The following MTUS2 variants were observed in gnomAD, a reference collection of about 807,000 sequenced individuals.
MTUS2 encodes the protein microtubule-associated tumor suppressor candidate 2.
In MTUS2, 40 loss-of-function variants were observed where a neutral mutation model predicts 114.1. The ratio of observed to expected loss-of-function variants is 0.35; its 90% CI spans 0.27 to 0.46. The LOEUF (loss-of-function observed/expected upper bound fraction) is 0.46, where lower values mean the gene tolerates loss of function less well. Ranked by LOEUF, MTUS2 falls within the 20% of genes least tolerant of loss-of-function variation. The pLI, the probability that MTUS2 is intolerant of heterozygous loss-of-function variation, is 1.00. For missense variants in MTUS2, 1,679 were observed against 1,705.4 expected, an observed-to-expected ratio of 0.98 and a Z score of 0.27; for synonymous variants, 688 against 672.0, an observed-to-expected ratio of 1.02 and a Z score of -0.37.
chr13:29,038,006 A>C (rs1442147033), intron 4 of MTUS2, among the ~76,000 whole-genome samples: 1 of 152,152 alleles, frequency 6.6e-6, no homozygotes, highest in Admixed American at 6.5e-5. Context: ...TTTGAAGCCT[A>C]CTTCTGTCAA....
At chr13:28,856,968 C>T (rs77451660) in intron 2 of MTUS2, among the ~76,000 whole-genome samples, 8 of 152,102 alleles carry the variant, frequency 5.3e-5, no homozygotes, top group African/African-American at 1.4e-4. Context: ...AACACAACTT[C>T]GTAGCCACTG....
At chr13:28,917,708 C>T (rs1880825887) in intron 2 of MTUS2, among the ~76,000 whole-genome samples, 1 of 151,474 alleles carries the variant, frequency 6.6e-6, no homozygotes, top group Admixed American at 6.6e-5. Context: ...ATTGTGTTCT[C>T]CATTTCAAAT....
chr13:29,390,262 G>A (rs1873331229), intron 8 of MTUS2, among the ~76,000 whole-genome samples: 1 of 151,720 alleles, frequency 6.6e-6, no homozygotes, highest in South Asian at 2.1e-4. Context: ...TTATTTATAG[G>A]ATCAGGAGTG....
chr13:29,365,413 T>C (rs1593354158), intron 8 of MTUS2, among the ~76,000 whole-genome samples: 1 of 152,024 alleles, frequency 6.6e-6, no homozygotes, highest in East Asian at 1.9e-4. Flanking sequence ...TAAGGTGCAA[T>C]AAGATGAGAA....
At chr13:29,479,516 G>C (rs931365690) in intron 9 of MTUS2, among the ~76,000 whole-genome samples, 1 of 152,212 alleles carries the variant, frequency 6.6e-6, no homozygotes, top group African/African-American at 2.4e-5. Context: ...GTGATTAGGG[G>C]TGGAGTGTCT....
At chr13:29,297,892 A>C (rs894887908) in intron 6 of MTUS2, among the ~76,000 whole-genome samples, 2 of 147,242 alleles carry the variant, frequency 1.4e-5, no homozygotes, top group Non-Finnish European at 3.0e-5. Flanking sequence ...CACACACACA[A>C]AACATGCTAT....
intron 6 of MTUS2, among the ~76,000 whole-genome samples, chr13:29,299,115 C>T (rs947298820): frequency 6.6e-6 from 1 of 152,148 alleles, no homozygotes; most frequent in East Asian, 1.9e-4. Flanking sequence ...AGCTCCATTT[C>T]TTTGCATGAG....
chr13:29,015,208 A>G (rs942436088), intron 2 of MTUS2, among the ~76,000 whole-genome samples: 1 of 152,274 alleles, frequency 6.6e-6, no homozygotes, highest in African/African-American at 2.4e-5. Flanking sequence ...AAAACTGTAC[A>G]GTAAAAATGG....
At chr13:29,032,942 CT>C (rs1482969561) in intron 3 of MTUS2, among the ~76,000 whole-genome samples, 3 of 152,062 alleles carry the variant, frequency 2.0e-5, no homozygotes, top group African/African-American at 2.4e-5. Flanking sequence ...AGTTCTCTCT[CT>C]TTTTTTCCTG....
chr13:29,307,956 A>G (rs1871637032), intron 6 of MTUS2, among the ~76,000 whole-genome samples: 1 of 152,190 alleles, frequency 6.6e-6, no homozygotes, highest in Non-Finnish European at 1.5e-5. Context: ...TGTACCATCA[A>G]TAAAGTCCCC....
intron 9 of MTUS2, among the ~76,000 whole-genome samples, chr13:29,443,125 C>T (rs1181757579): frequency 6.6e-6 from 1 of 152,224 alleles, no homozygotes; most frequent in Non-Finnish European, 1.5e-5. Context: ...CTCTGTCCCA[C>T]AAGTTCCCCT....
chr13:29,418,466 G>T (rs961790537), intron 8 of MTUS2, among the ~76,000 whole-genome samples: 2 of 152,186 alleles, frequency 1.3e-5, no homozygotes, highest in African/African-American at 4.8e-5. Flanking sequence ...TACAGATCAA[G>T]TAAGAATTTA....
chr13:29,396,728 C>T (rs945018620), intron 8 of MTUS2, among the ~76,000 whole-genome samples: 3 of 152,144 alleles, frequency 2.0e-5, no homozygotes, highest in African/African-American at 7.2e-5. Flanking sequence ...AAGCCAGTAA[C>T]AAGGGAGCAA....
intron 3 of MTUS2, 33 bp downstream of exon 3, chr13:29,026,936 G>GT (rs1886588262): frequency 6.6e-7 from 1 of 1,525,818 alleles, no homozygotes; most frequent in African/African-American, 1.4e-5. Context: ...TGGTCTATAA[G>GT]TTGACTGTCC....
chr13:29,430,063 GA>G (rs953549594), intron 8 of MTUS2, among the ~76,000 whole-genome samples: 1 of 152,162 alleles, frequency 6.6e-6, no homozygotes, highest in African/African-American at 2.4e-5. Context: ...TTAACAAAAA[GA>G]AATATAAAGC....
At chr13:29,164,899 A>G (rs1203448232) in intron 5 of MTUS2, among the ~76,000 whole-genome samples, 1 of 152,228 alleles carries the variant, frequency 6.6e-6, no homozygotes, top group Non-Finnish European at 1.5e-5. Context: ...TAAGCACTGA[A>G]ATTATGGGAA....
intron 5 of MTUS2, chr13:29,242,609 C>T (rs1896770146): frequency 6.5e-6 from 1 of 154,678 alleles, no homozygotes; most frequent in African/African-American, 2.4e-5. Context: ...ATAACTTATC[C>T]ACAGGTAATT....
chr13:28,965,125 G>A (rs556254710), intron 2 of MTUS2, among the ~76,000 whole-genome samples: 3 of 152,286 alleles, frequency 2.0e-5, no homozygotes, highest in South Asian at 2.1e-4. Flanking sequence ...GGATGGTTGT[G>A]ATTTATGATC....
At position 28,906,306 on chromosome 13, in the gene MTUS2, G is replaced by A. The variant is rs1880009112; in HGVS notation, c.-243+66456G>A. 3.3e-5 allele frequency among the ~76,000 whole-genome samples: 5 copies of A among 151,088 alleles called. No individual in the cohort carries two copies. In the South Asian group the frequency reaches 1.1e-3, roughly 32 times the overall value. ...TCTTGCCTTCTGCTAGCTTTTGAAT[G>A]TGTTTGCTCTTGCTTTTCTAGTTCT... On this transcript the variant is annotated intron_variant, in intron 2 of 15. Transcript: ENST00000612955.
Sources: allele counts gnomAD v4.1 joint callset (sites outside exome capture counted in the v4.1 genomes callset), GRCh38; gene constraint gnomAD v4.1.1; transcripts MANE v1.5; gene names NCBI Gene and HGNC (gene_info 2026-07-23, HGNC 2026-07-21).